DEPTOR: variants seen among roughly 807,000 people sequenced by gnomAD.
DEPTOR encodes DEP domain containing MTOR interacting protein.
In DEPTOR, 41 loss-of-function variants were observed where a neutral mutation model predicts 41.6. The observed-to-expected ratio is 0.98, with a 90% CI of 0.77 to 1.28. The LOEUF is 1.28. DEPTOR is among the 50% of genes most tolerant of loss of function. The pLI is 0.00. For missense variants in DEPTOR, 514 were observed against 527.9 expected (o/e 0.97, Z 0.26); for synonymous variants, 195 against 192.3 (o/e 1.01, Z -0.12).
At chr8:119,919,534 G>A (rs1487891846) in intron 1 of DEPTOR, among the ~76,000 whole-genome samples, 7 of 152,314 alleles carry the variant, frequency 4.6e-5, no homozygotes, top group Admixed American at 2.0e-4. Flanking sequence ...AGGAAATGCA[G>A]TGTATTATAT....
chr8:120,003,896 A>G (rs1435787556), intron 6 of DEPTOR, among the ~76,000 whole-genome samples: 1 of 152,102 alleles, frequency 6.6e-6, no homozygotes, highest in Non-Finnish European at 1.5e-5. Flanking sequence ...TACCCACCTA[A>G]TGTCCTCACT....
At chr8:119,936,927 G>T (rs1472766069) in intron 3 of DEPTOR, among the ~76,000 whole-genome samples, 1 of 152,046 alleles carries the variant, frequency 6.6e-6, no homozygotes, top group African/African-American at 2.4e-5. Flanking sequence ...GGGAGGCTGG[G>T]GTGGGAGAAT....
chr8:119,875,138 A>G (rs1166453434), intron 1 of DEPTOR, among the ~76,000 whole-genome samples: 4 of 152,182 alleles, frequency 2.6e-5, no homozygotes, highest in South Asian at 2.1e-4. Flanking sequence ...TAAAGGGAAT[A>G]AAAACTTTTT....
intron 8 of DEPTOR, among the ~76,000 whole-genome samples, chr8:120,039,881 G>A (rs1316124589): frequency 1.3e-5 from 2 of 152,090 alleles, no homozygotes; most frequent in African/African-American, 4.8e-5. Context: ...GTCTCGCTCT[G>A]TTGCTCAGGC....
At chr8:120,002,436 C>T (rs1812363615) in intron 5 of DEPTOR, among the ~76,000 whole-genome samples, 2 of 152,054 alleles carry the variant, frequency 1.3e-5, no homozygotes, top group South Asian at 2.1e-4. Flanking sequence ...CTGCGCCCGG[C>T]CTTACAAGTA....
intron 8 of DEPTOR, among the ~76,000 whole-genome samples, chr8:120,023,741 G>A (rs1452958118): frequency 1.3e-5 from 2 of 151,264 alleles, no homozygotes; most frequent in Non-Finnish European, 2.9e-5. Context: ...TCATGTCAAA[G>A]CCAGAAGGAA....
intron 1 of DEPTOR, among the ~76,000 whole-genome samples, chr8:119,901,496 G>T (rs995867951): frequency 6.6e-6 from 1 of 151,976 alleles, no homozygotes; most frequent in Non-Finnish European, 1.5e-5. Context: ...CTAACACAGT[G>T]AAGCCCCATC....
chr8:119,961,437 G>T (rs1828491318), intron 3 of DEPTOR, among the ~76,000 whole-genome samples: 2 of 150,720 alleles, frequency 1.3e-5, no homozygotes, highest in Admixed American at 6.6e-5. Flanking sequence ...AAAAAAAGTG[G>T]CTTGCCTTAC....
At chr8:120,035,114 T>C (rs905638853) in intron 8 of DEPTOR, among the ~76,000 whole-genome samples, 3 of 152,014 alleles carry the variant, frequency 2.0e-5, no homozygotes, top group African/African-American at 4.8e-5. Flanking sequence ...ATCCAGGAAT[T>C]TGAGACTAGC....
intron 1 of DEPTOR, among the ~76,000 whole-genome samples, chr8:119,901,333 A>G (rs1456401893): frequency 2.0e-5 from 3 of 152,152 alleles, no homozygotes; most frequent in Non-Finnish European, 2.9e-5. Flanking sequence ...AGGTGAGAAG[A>G]TGCACAAACA....
Position 120,003,064 on chromosome 8 carries a change from G to T in DEPTOR, c.878G>T (p.Ser293Ile). The T allele has an allele frequency of 6.2e-7, 1 of 1,612,864 alleles. No individual in the cohort carries two copies. The highest frequency in any genetic ancestry group is 8.5e-7 in the Non-Finnish European group (1 of 1,179,752). The change falls in exon 6 of 9, where the codon AGC (serine) becomes ATC (isoleucine). Residue 293 changes from serine to isoleucine, a missense_variant. By Grantham distance (142) the Ser-to-Ile change is moderately radical. Coordinates refer to ENST00000286234, the MANE Select transcript of DEPTOR (RefSeq NM_022783.4). ...GGCAGCAGCGGCTACTTCAGCAGCA[G>T]CCCCACCCTCAGCAGCAGCCCCCCT... Reference protein sequence around the residue: ...SCGSSGYFSSSPTLSSSPPVL... With the variant: ...SCGSSGYFSSIPTLSSSPPVL...
chr8:119,982,038 A>AAT (rs1828776210), intron 4 of DEPTOR, among the ~76,000 whole-genome samples: 1 of 151,438 alleles, frequency 6.6e-6, no homozygotes, highest in Non-Finnish European at 1.5e-5. Flanking sequence ...AAAAAAAAAA[A>AAT]AATTCTAGTT....
At chr8:119,999,286 A>T (rs1266574640) in intron 4 of DEPTOR, among the ~76,000 whole-genome samples, 1 of 152,144 alleles carries the variant, frequency 6.6e-6, no homozygotes, top group Admixed American at 6.5e-5. Context: ...AAAAAAAGAA[A>T]AAAAAAGGAA....
At chr8:119,982,379 G>C (rs573989393) in intron 4 of DEPTOR, among the ~76,000 whole-genome samples, 1 of 152,232 alleles carries the variant, frequency 6.6e-6, no homozygotes, top group East Asian at 1.9e-4. Context: ...TTTCTTACAC[G>C]ATATGGGCTT....
chr8:119,882,947 T>C (rs1827317050), intron 1 of DEPTOR, among the ~76,000 whole-genome samples: 3 of 152,172 alleles, frequency 2.0e-5, no homozygotes, highest in South Asian at 4.1e-4. Flanking sequence ...TAGAAGTTTA[T>C]GGCAGTGATT....
chr8:119,933,998 G>A (rs941811249), intron 3 of DEPTOR, among the ~76,000 whole-genome samples: 7 of 152,018 alleles, frequency 4.6e-5, no homozygotes, highest in East Asian at 1.9e-4. Flanking sequence ...TCATGCCTCC[G>A]CCTCCCAAGT....
intron 8 of DEPTOR, among the ~76,000 whole-genome samples, chr8:120,040,303 T>C (rs1042842330): frequency 6.6e-6 from 1 of 151,998 alleles, no homozygotes; most frequent in Non-Finnish European, 1.5e-5. Flanking sequence ...AGGGCTGAGC[T>C]TGGTGGCTCA....
chr8:120,035,220 T>A (rs1289746258), intron 8 of DEPTOR, among the ~76,000 whole-genome samples: 2 of 152,006 alleles, frequency 1.3e-5, no homozygotes, highest in African/African-American at 4.8e-5. Context: ...CTCAGGAGGC[T>A]GAGGTGGGAG....
chr8:120,018,482 G>A (rs987955775), intron 8 of DEPTOR, among the ~76,000 whole-genome samples: 1 of 152,162 alleles, frequency 6.6e-6, no homozygotes, highest in African/African-American at 2.4e-5. Flanking sequence ...GGGAGGCTGA[G>A]GCAGGAGAAT....
Sources: allele counts gnomAD v4.1 joint callset (sites outside exome capture counted in the v4.1 genomes callset), GRCh38; gene constraint gnomAD v4.1.1; transcripts MANE v1.5; gene names NCBI Gene and HGNC (gene_info 2026-07-23, HGNC 2026-07-21).